RADIL: variants seen among roughly 807,000 people sequenced by gnomAD.
The protein encoded by RADIL is ras-associating and dilute domain-containing protein.
RADIL carries 99 observed loss-of-function variants against 97.6 expected under a neutral mutation model. That is an observed-to-expected ratio of 1.01 (90% CI 0.86 to 1.20). RADIL has a LOEUF of 1.20. Among genes scored for constraint, RADIL ranks in the 50% most tolerant of loss-of-function variants. RADIL has a pLI of 0.00. For synonymous variants in RADIL, 803 were observed against 691.8 expected (o/e 1.16, Z -2.52); for missense variants, 1,765 against 1,498.9 (o/e 1.18, Z -2.93).
At chr7:4,799,991 C>A (rs1048667397) in intron 13 of RADIL, among the ~76,000 whole-genome samples, 180 bp downstream of exon 13, 2 of 151,978 alleles carry the variant, frequency 1.3e-5, no homozygotes, top group African/African-American at 4.8e-5. Context: ...GACAGCAGGC[C>A]CAGGGGGCGT....
intron 5 of RADIL, among the ~76,000 whole-genome samples, chr7:4,829,071 C>G (rs1391970165): frequency 1.3e-5 from 2 of 152,208 alleles, no homozygotes; most frequent in African/African-American, 2.4e-5. Flanking sequence ...CAGAGGGAGG[C>G]CACCACGCCT....
rs927422633 is a variant in RADIL, at chr7:4,862,042, G to T, written c.535+15563C>A. On this transcript the variant is annotated intron_variant, in intron 2 of 14. Coordinates refer to ENST00000399583, the MANE Select transcript of RADIL (RefSeq NM_018059.5). ...GCGTTCCAGAACCTACCGTACACGC[G>T]CGGGCGCCTGCGCACCCGCCGCCAG... 1.0e-5 allele frequency: 4 copies of T among 394,234 alleles called. No individual in the cohort carries two copies. The East Asian group carries it at 1.5e-4, about 15-fold the overall frequency. The allele number at this position is 394,234 out of a possible 1,614,324, so 24.4% of individuals were successfully genotyped here.
chr7:4,866,298 C>A (rs1784129593), intron 2 of RADIL, among the ~76,000 whole-genome samples: 1 of 152,138 alleles, frequency 6.6e-6, no homozygotes, highest in Non-Finnish European at 1.5e-5. Context: ...CACCCAGCCA[C>A]ATCTTTGTTT....
In RADIL at chr7:4,815,005, A is replaced by G. The variant is rs1293692662; in HGVS notation, c.2139+273T>C. On this transcript the variant is annotated intron_variant, in intron 9 of 14. Transcript: ENST00000399583. The surrounding 1 kb of genome is among the most constrained non-coding windows in gnomAD (Gnocchi z 8.0). ...TCCGAATCTCAAGGTCCTTAATCGT[A>G]GTCACACGTACAGAGGCTTCTTTGC... 2.0e-5 allele frequency among the ~76,000 whole-genome samples: 3 copies of G among 152,158 alleles called. No homozygotes were observed. The highest frequency in any genetic ancestry group is 7.2e-5 in the African/African-American group (3 of 41,424).
chr7:4,853,420 A>G (rs1211240350), intron 2 of RADIL, among the ~76,000 whole-genome samples: 3 of 152,144 alleles, frequency 2.0e-5, no homozygotes, highest in Non-Finnish European at 4.4e-5. Context: ...AGAATGATGG[A>G]GATTCCATGT....
chr7:4,811,317 T>G (rs184537153), intron 9 of RADIL: 1 of 152,452 alleles, frequency 6.6e-6, no homozygotes, highest in Admixed American at 6.5e-5. Context: ...GGGCTGCGTT[T>G]CTCTGATGAC....
chr7:4,819,540 A>G lies in RADIL; in HGVS notation c.1616-2189T>C, dbSNP rs937460520. Among the ~76,000 whole-genome samples the G allele has an allele frequency of 3.3e-5, 5 of 152,142 alleles. No homozygotes were observed. Among genetic ancestry groups the G allele is most frequent in the Non-Finnish European group, 7.3e-5 (5 of 68,034 alleles). On this transcript the variant is annotated intron_variant, in intron 6 of 14. Coordinates refer to ENST00000399583, the MANE Select transcript of RADIL (RefSeq NM_018059.5). This position sits in a 1 kb window ranked among gnomAD's most constrained non-coding sequence, Gnocchi z 5.8. ...GAAGCTGGCCCTATCCCTAAAGAAG[A>G]AGGCGCTGAGCTCCAGCCACGAGGA...
At chr7:4,838,317 T>C (rs755695837) in intron 2 of RADIL, among the ~76,000 whole-genome samples, 9 of 152,048 alleles carry the variant, frequency 5.9e-5, no homozygotes, top group Non-Finnish European at 1.0e-4. Context: ...CAGCTCCAAA[T>C]GATGCTCCGG....
In RADIL at chr7:4,815,172, G is replaced by T. The variant is rs1782644973; in HGVS notation, c.2139+106C>A. The stretch of plus-strand genomic sequence containing the variant: ...ACCTACGGTAGCTTTGAGGTTTCCA[G>T]CCAAGAAGCCCCGTCCCGGCCCCCA... On this transcript the variant is annotated intron_variant, in intron 9 of 14. Transcript: ENST00000399583. The surrounding 1 kb of genome is among the most constrained non-coding windows in gnomAD (Gnocchi z 8.0). 2 of 1,350,748 alleles carry T rather than the reference G, an allele frequency of 1.5e-6. No homozygotes were observed. The highest frequency in any genetic ancestry group is 2.9e-5 in the Admixed American group (1 of 34,496). 83.7% of individuals were successfully genotyped at this position (1,350,748 alleles called of 1,614,324 possible).
rs1202226842 is a variant in RADIL, at chr7:4,819,679, C to T, written c.1616-2328G>A. On this transcript the variant is annotated intron_variant, in intron 6 of 14. Coordinates refer to ENST00000399583, the MANE Select transcript of RADIL (RefSeq NM_018059.5). The surrounding 1 kb of genome is among the most constrained non-coding windows in gnomAD (Gnocchi z 5.8). ...AGCCACGTGACCCACCCTCGGGACG[C>T]GACAGCCCTGCTCTCCGAATTCTTC... 1.3e-5 allele frequency among the ~76,000 whole-genome samples: 2 copies of T among 152,210 alleles called. No homozygotes were observed. Among genetic ancestry groups the T allele is most frequent in the Non-Finnish European group, 1.5e-5 (1 of 68,032 alleles).
At position 4,821,728 on chromosome 7, in the gene RADIL, C is replaced by A. The variant is rs370443903; in HGVS notation, c.1615+666G>T. ...AAAACTAGCCGGGCGAGGTGGCATGCTCCTGTAATCCCAGGTACTCGGGAG... is the reference window on the plus strand; with the variant it reads ...AAAACTAGCCGGGCGAGGTGGCATGATCCTGTAATCCCAGGTACTCGGGAG... On this transcript the variant is annotated intron_variant, in intron 6 of 14. Transcript: ENST00000399583. The surrounding 1 kb of genome is among the most constrained non-coding windows in gnomAD (Gnocchi z 5.2). 6.6e-5 allele frequency among the ~76,000 whole-genome samples: 10 copies of A among 152,170 alleles called. No individual in the cohort carries two copies. The highest frequency in any genetic ancestry group is 2.4e-4 in the African/African-American group (10 of 41,528).
chr7:4,799,283 T>TG lies in RADIL; in HGVS notation c.*94dup, dbSNP rs1443877562. 8.1e-7 allele frequency: 1 copy of TG among 1,239,114 alleles called. No individual in the cohort carries two copies. Among genetic ancestry groups the TG allele is most frequent in the East Asian group, 2.4e-5 (1 of 41,712 alleles). 76.8% of individuals were successfully genotyped at this position (1,239,114 alleles called of 1,614,324 possible). On this transcript the variant is annotated 3_prime_UTR_variant, in exon 15 of 15. Coordinates refer to ENST00000399583, the MANE Select transcript of RADIL (RefSeq NM_018059.5). ...GAGGCTCCCCACCCGGGACCCAACT[T>TG]GGTCAGTTACAAAACAGGGACGAAG...
chr7:4,862,041 C>T (rs1784024956), intron 2 of RADIL: 2 of 396,854 alleles, frequency 5.0e-6, no homozygotes, highest in Non-Finnish European at 9.0e-6. Context: ...ACCGTACACG[C>T]GCGGGCGCCT....
At chr7:4,861,724 T>C in intron 2 of RADIL, 2 of 1,540,592 alleles carry the variant, frequency 1.3e-6, no homozygotes, top group African/African-American at 1.4e-5. Flanking sequence ...TGGGGACCGC[T>C]AGACTGATAG....
chr7:4,806,591 A>G lies in RADIL; in HGVS notation c.2140-875T>C, dbSNP rs143180933. 2.2e-3 allele frequency among the ~76,000 whole-genome samples: 335 copies of G among 152,232 alleles called. 2 individuals carry two copies. The highest frequency in any genetic ancestry group is 7.5e-3 in the African/African-American group (312 of 41,528). ...GCGGCCCGCCAGGACCTCCATCATC[A>G]TCCTTCTGGGGTTCCTTTCCCCGGC... On this transcript the variant is annotated intron_variant, in intron 9 of 14. Coordinates refer to ENST00000399583, the MANE Select transcript of RADIL (RefSeq NM_018059.5).
At chr7:4,830,349 C>T (rs573383298) in intron 5 of RADIL, among the ~76,000 whole-genome samples, 4 of 152,244 alleles carry the variant, frequency 2.6e-5, no homozygotes, top group African/African-American at 9.6e-5. Context: ...GGAGCGTAGG[C>T]CGCAGGGGCT....
At chr7:4,823,331 CT>C (rs60439750) in intron 5 of RADIL, among the ~76,000 whole-genome samples, 27,004 of 129,324 alleles carry the variant, frequency 0.21, 2,864 homozygotes, top group African/African-American at 0.34. Flanking sequence ...TATTAAAAAC[CT>C]TTTTTTTTTT....
chr7:4,877,544 CT>C, intron 2 of RADIL, 60 bp downstream of exon 2: 1 of 1,523,710 alleles, frequency 6.6e-7, no homozygotes. Flanking sequence ...CTCCGCCTAC[CT>C]CGGCTGGCCT....
In RADIL at chr7:4,834,768, GC is replaced by G; in HGVS notation, c.1254del (p.Gln419ArgfsTer4). 1 of 1,387,868 alleles carries G rather than the reference GC, an allele frequency of 7.2e-7. No homozygotes were observed. Among genetic ancestry groups the G allele is most frequent in the South Asian group, 1.9e-5 (1 of 51,870 alleles). 86.0% of individuals were successfully genotyped at this position (1,387,868 alleles called of 1,614,324 possible). A position where few individuals can be genotyped will look rare whatever the true frequency, so the allele number is the denominator to read the frequency against. Reference sequence around the variant, plus strand: ...GGCTCGATCAACGTCATGATCCTCTGCAGCAGCGTGTCCTCCAGGTGGGGCT... The same window carrying G: ...GGCTCGATCAACGTCATGATCCTCTGAGCAGCGTGTCCTCCAGGTGGGGCT... ...EFEPHLEDTLLQRIMTLIEPG... is the reference protein window; with the variant it reads ...EFEPHLEDTLXQRIMTLIEPG... On this transcript the variant is annotated frameshift_variant, in exon 4 of 15. Transcript: ENST00000399583. LOFTEE classifies it high-confidence loss of function. This position sits in a 1 kb window ranked among gnomAD's most constrained non-coding sequence, Gnocchi z 6.0.
Sources: gnomAD v4.1 joint callset for allele counts (sites outside exome capture counted in the v4.1 genomes callset) on GRCh38, gnomAD v4.1.1 for gene constraint, Gnocchi (gnomAD v3.1) non-coding constraint, MANE v1.5 for transcripts, NCBI Gene and HGNC (gene_info 2026-07-23, HGNC 2026-07-21) for gene names.